The following DGKD variants were observed in gnomAD, a reference collection of about 807,000 sequenced individuals.
The protein encoded by DGKD is diacylglycerol kinase delta.
A neutral mutation model predicts 154.4 loss-of-function variants in DGKD; 68 were observed. That is an observed-to-expected ratio of 0.44 (90% CI 0.36 to 0.54). DGKD has a LOEUF of 0.54. Ranked by LOEUF, DGKD falls within the 20% of genes least tolerant of loss-of-function variation. DGKD has a pLI of 0.00. For missense variants in DGKD, 1,343 were observed against 1,593.6 expected, an observed-to-expected ratio of 0.84 and a Z score of 2.68; for synonymous variants, 693 against 638.0, an observed-to-expected ratio of 1.09 and a Z score of -1.30.
intron 3 of DGKD, among the ~76,000 whole-genome samples, chr2:233,415,444 C>G (rs755353246): frequency 1.2e-4 from 19 of 152,318 alleles, no homozygotes; most frequent in Non-Finnish European, 1.9e-4. Context: ...ATTGCTGTCT[C>G]TAGCTGCAGG....
intron 3 of DGKD, among the ~76,000 whole-genome samples, chr2:233,420,789 A>C (rs2062089084): frequency 6.6e-6 from 1 of 152,228 alleles, no homozygotes; most frequent in Admixed American, 6.5e-5. Flanking sequence ...GTTGAGGCCC[A>C]CGATGCTGGT....
chr2:233,463,473 G>C (rs201266970), intron 26 of DGKD, among the ~76,000 whole-genome samples: 3,364 of 30,294 alleles, frequency 0.11, 120 homozygotes, highest in African/African-American at 0.18. Flanking sequence ...TGTCCTCACT[G>C]CACGCATGTC....
chr2:233,425,867 T>C (rs1269052087), intron 3 of DGKD, among the ~76,000 whole-genome samples: 1 of 152,246 alleles, frequency 6.6e-6, no homozygotes, highest in African/African-American at 2.4e-5. Flanking sequence ...ACCTTGTATA[T>C]ACAGTATGTG....
chr2:233,422,197 C>G (rs1045489497), intron 3 of DGKD, among the ~76,000 whole-genome samples: 1 of 152,216 alleles, frequency 6.6e-6, no homozygotes, highest in Non-Finnish European at 1.5e-5. Context: ...CCCGCCCCAC[C>G]CAGGAAGTGC....
chr2:233,435,863 A>G lies in DGKD; in HGVS notation c.632A>G (p.Asn211Ser), dbSNP rs200939741. The G allele has an allele frequency of 8.6e-5, 138 of 1,612,658 alleles. No individual in the cohort carries two copies. Among genetic ancestry groups the G allele is most frequent in the Middle Eastern group, 5.0e-4 (3 of 6,046 alleles). The change falls in exon 6 of 30, where the codon AAT (asparagine) becomes AGT (serine). Residue 211 changes from asparagine (N) to serine (S), a missense_variant. Transcript: ENST00000264057. Reference protein sequence around the residue: ...AHKRCAVRATNNCKWTTLASI... With the variant: ...AHKRCAVRATSNCKWTTLASI... Reference sequence around the variant, plus strand: ...AAGCGCTGTGCTGTGCGTGCAACCAATAACTGCAAGTGGACCACACTGGCC... The same window carrying G: ...AAGCGCTGTGCTGTGCGTGCAACCAGTAACTGCAAGTGGACCACACTGGCC...
Position 233,441,767 on chromosome 2 carries a change from C to T in DGKD, c.1086-120C>T, listed in dbSNP as rs1488968938. 2.3e-6 allele frequency: 2 copies of T among 876,628 alleles called. No individual in the cohort carries two copies. The highest frequency in any genetic ancestry group is 3.6e-6 in the Non-Finnish European group (2 of 557,936). 54.3% of individuals were successfully genotyped at this position (876,628 alleles called of 1,614,324 possible). On this transcript the variant is annotated intron_variant, in intron 9 of 29. Transcript: ENST00000264057. This position sits in a 1 kb window ranked among gnomAD's most constrained non-coding sequence, Gnocchi z 5.6. The stretch of plus-strand genomic sequence containing the variant: ...TCACGTGGCAGGGCCTGTGCGTGCT[C>T]TGCCTCTGGTGCAGGTCAGCCATGA...
intron 18 of DGKD, among the ~76,000 whole-genome samples, chr2:233,453,507 G>T (rs1048691837): frequency 6.6e-6 from 1 of 152,202 alleles, no homozygotes; most frequent in Non-Finnish European, 1.5e-5. Flanking sequence ...GAATTAGATG[G>T]ATCATAAATA....
chr2:233,460,082 A>C, intron 23 of DGKD, 112 bp from the exon 24 acceptor site: 1 of 1,499,790 alleles, frequency 6.7e-7, no homozygotes, highest in Non-Finnish European at 8.9e-7. Flanking sequence ...AAAAAAAAAA[A>C]AGTCCTATTT....
chr2:233,398,984 G>A (rs573600230), intron 3 of DGKD, among the ~76,000 whole-genome samples: 2 of 152,098 alleles, frequency 1.3e-5, no homozygotes, highest in Non-Finnish European at 2.9e-5. Context: ...GGGTCCATTC[G>A]AGTTTTATGC....
intron 1 of DGKD, among the ~76,000 whole-genome samples, chr2:233,376,667 T>G (rs543966905): frequency 2.0e-5 from 3 of 152,296 alleles, no homozygotes; most frequent in African/African-American, 7.2e-5. Context: ...ACCATCATTC[T>G]CAGCAAACTA....
rs1344074904 is a variant in DGKD, at chr2:233,459,843, C to T, written c.2781C>T (p.Tyr927=). ...DGEAWVQPPG[Y]IRIVHKNRAQ... The stretch of plus-strand genomic sequence containing the variant: ...AGGCCTGGGTCCAGCCGCCAGGGTA[C>T]ATTCGGATTGTCCACAAGAACCGGG... The change falls in exon 23 of 30, where the codon TAC becomes TAT. Residue 927 remains tyrosine (Y), a synonymous_variant. Transcript: ENST00000264057. This position sits in a 1 kb window ranked among gnomAD's most constrained non-coding sequence, Gnocchi z 5.7. 2.5e-6 allele frequency: 4 copies of T among 1,613,978 alleles called. No individual in the cohort carries two copies. The highest frequency in any genetic ancestry group is 2.7e-5 in the African/African-American group (2 of 74,912).
intron 26 of DGKD, among the ~76,000 whole-genome samples, chr2:233,463,079 G>A (rs1040453902): frequency 2.6e-5 from 4 of 152,174 alleles, no homozygotes; most frequent in African/African-American, 4.8e-5. Flanking sequence ...CTGCAAAACC[G>A]GCTGATATGG....
intron 1 of DGKD, among the ~76,000 whole-genome samples, chr2:233,356,901 A>T (rs1326933469): frequency 6.6e-6 from 1 of 152,048 alleles, no homozygotes; most frequent in African/African-American, 2.4e-5. Context: ...CAAAAATGGT[A>T]TGGGGTAGCA....
rs550286219 is a variant in DGKD, at chr2:233,450,193, G to T, written c.2038+62G>T. 27 of 1,503,076 alleles carry T rather than the reference G, an allele frequency of 1.8e-5. No individual in the cohort carries two copies. The East Asian group carries it at 6.2e-4, about 34-fold the overall frequency. The allele number at this position is 1,503,076 out of a possible 1,614,324, so 93.1% of individuals were successfully genotyped here. A position where few individuals can be genotyped will look rare whatever the true frequency, so the allele number is the denominator to read the frequency against. ...GTGCTTGGTTTTGGTGAGACGTAGCGGGCTTGCCAGGGGAGGTTTTAGGGC... is the reference window on the plus strand; with the variant it reads ...GTGCTTGGTTTTGGTGAGACGTAGCTGGCTTGCCAGGGGAGGTTTTAGGGC... On this transcript the variant is annotated intron_variant, in intron 16 of 29. Transcript: ENST00000264057.
At chr2:233,460,772 G>A (rs1406592512) in intron 24 of DGKD, among the ~76,000 whole-genome samples, 1 of 152,070 alleles carries the variant, frequency 6.6e-6, no homozygotes, top group Non-Finnish European at 1.5e-5. Context: ...GGCGCCTGTA[G>A]TCCCAGCTAC....
At chr2:233,467,531 T>C (rs2305538) in intron 28 of DGKD, among the ~76,000 whole-genome samples, 86,434 of 152,076 alleles carry the variant, frequency 0.57, 25,019 homozygotes, top group African/African-American at 0.69. Flanking sequence ...ACTCAGGCCG[T>C]GCTGGGGCAT....
At chr2:233,455,566 G>C (rs893594868) in intron 19 of DGKD, among the ~76,000 whole-genome samples, 3 of 152,224 alleles carry the variant, frequency 2.0e-5, no homozygotes, top group African/African-American at 7.2e-5. Context: ...GCTTTGACAT[G>C]ATTAGAACTA....
At chr2:233,432,463 T>G (rs974627573) in intron 3 of DGKD, among the ~76,000 whole-genome samples, 14 of 151,128 alleles carry the variant, frequency 9.3e-5, no homozygotes, top group Non-Finnish European at 1.6e-4. Flanking sequence ...ATCGTGACCA[T>G]CCTGGCTAAC....
chr2:233,384,144 CA>C (rs1703042525), intron 1 of DGKD, among the ~76,000 whole-genome samples: 1 of 152,168 alleles, frequency 6.6e-6, no homozygotes, highest in African/African-American at 2.4e-5. Flanking sequence ...TGGTCACACT[CA>C]GGGTGATTTG....
Sources: gnomAD v4.1 joint callset for allele counts (sites outside exome capture counted in the v4.1 genomes callset) on GRCh38, gnomAD v4.1.1 for gene constraint, Gnocchi (gnomAD v3.1) non-coding constraint, MANE v1.5 for transcripts, NCBI Gene and HGNC (gene_info 2026-07-23, HGNC 2026-07-21) for gene names.